Variants in CADM2 observed in about 807,000 individuals in gnomAD.
The protein encoded by CADM2 is immunoglobulin superfamily member 4D.
In CADM2, 12 loss-of-function variants were observed where a neutral mutation model predicts 49.8. The observed-to-expected ratio is 0.24, with a 90% CI of 0.15 to 0.39. The LOEUF (loss-of-function observed/expected upper bound fraction) is 0.39, where lower values mean the gene tolerates loss of function less well. Ranked by LOEUF, CADM2 falls within the 10% of genes least tolerant of loss-of-function variation. The probability of loss-of-function intolerance (pLI) is 1.00; values close to 1 mark genes in which losing one functional copy is unlikely to be tolerated. For missense variants in CADM2, 378 were observed against 492.3 expected, an observed-to-expected ratio of 0.77 and a Z score of 2.20; for synonymous variants, 214 against 175.4, an observed-to-expected ratio of 1.22 and a Z score of -1.74.
At chr3:85,329,992 G>A (rs2044872812) in intron 1 of CADM2, among the ~76,000 whole-genome samples, 1 of 152,100 alleles carries the variant, frequency 6.6e-6, no homozygotes, top group Non-Finnish European at 1.5e-5. Context: ...TGCTGTTTAG[G>A]AGATAACTCA....
At chr3:85,183,950 T>G (rs1233764007) in intron 1 of CADM2, among the ~76,000 whole-genome samples, 1 of 152,028 alleles carries the variant, frequency 6.6e-6, no homozygotes, top group Non-Finnish European at 1.5e-5. Context: ...AAATAAGAGA[T>G]AAGTTAAAAT....
At chr3:85,708,980 A>G (rs763363564) in intron 1 of CADM2, among the ~76,000 whole-genome samples, 1 of 151,986 alleles carries the variant, frequency 6.6e-6, no homozygotes, top group Non-Finnish European at 1.5e-5. Flanking sequence ...TGCCTGATAC[A>G]ATGATTAATT....
intron 1 of CADM2, among the ~76,000 whole-genome samples, chr3:85,331,338 AT>A (rs113807149): frequency 0.11 from 16,729 of 151,220 alleles, 1,134 homozygotes; most frequent in African/African-American, 0.19. Flanking sequence ...CAATTTATTC[AT>A]TTTTTTTAGC....
chr3:85,653,347 A>G (rs902013740), intron 1 of CADM2, among the ~76,000 whole-genome samples: 1 of 147,442 alleles, frequency 6.8e-6, no homozygotes, highest in Non-Finnish European at 1.5e-5. Context: ...AGCATCCTAG[A>G]TAAAGGCAGC....
intron 1 of CADM2, among the ~76,000 whole-genome samples, chr3:85,272,621 G>C (rs2043267458): frequency 6.6e-6 from 1 of 151,216 alleles, no homozygotes; most frequent in South Asian, 2.1e-4. Flanking sequence ...TCTCTTCAGT[G>C]CCTCAGCACT....
At chr3:85,778,225 T>C (rs1033929189) in intron 2 of CADM2, among the ~76,000 whole-genome samples, 4 of 152,318 alleles carry the variant, frequency 2.6e-5, no homozygotes, top group Admixed American at 2.0e-4. Flanking sequence ...AATGATGCCA[T>C]TGTGTTTCCT....
chr3:85,223,757 C>T (rs898526358), intron 1 of CADM2, among the ~76,000 whole-genome samples: 3 of 152,020 alleles, frequency 2.0e-5, no homozygotes, highest in African/African-American at 4.8e-5. Flanking sequence ...TCCCTGTGCC[C>T]CACTCCCCCA....
intron 1 of CADM2, among the ~76,000 whole-genome samples, chr3:85,153,593 C>T (rs545506367): frequency 9.7e-4 from 147 of 152,280 alleles, no homozygotes; most frequent in Non-Finnish European, 1.6e-3. Flanking sequence ...CACCACAGCT[C>T]AAGGAGGCCT....
chr3:85,275,022 A>C (rs1360527425), intron 1 of CADM2, among the ~76,000 whole-genome samples: 1 of 151,498 alleles, frequency 6.6e-6, no homozygotes, highest in African/African-American at 2.4e-5. Flanking sequence ...TAGCCATAGA[A>C]TCTAATGAGA....
At chr3:85,961,702 A>G (rs1056908826) in intron 8 of CADM2, 55 bp downstream of exon 8, 17 of 1,319,024 alleles carry the variant, frequency 1.3e-5, no homozygotes, top group South Asian at 2.0e-5. Flanking sequence ...TTGAAAAACT[A>G]TTTAAATATA....
intron 8 of CADM2, among the ~76,000 whole-genome samples, chr3:86,000,373 T>C (rs1730026967): frequency 6.6e-6 from 1 of 152,326 alleles, no homozygotes; most frequent in South Asian, 2.1e-4. Flanking sequence ...GATTTTCTCA[T>C]TCATTCCTTG....
At position 86,068,221 on chromosome 3, in the gene CADM2, G is replaced by A. The variant is rs768018082; in HGVS notation, c.*1438G>A. ...TCCAAAGTGAAAGTCTCTTTCTCTG[G>A]ATTATTTTAAAATTTTGGCGTGTTT... is the stretch of plus-strand genomic sequence containing the variant. On this transcript the variant is annotated 3_prime_UTR_variant, in exon 10 of 10. Transcript: ENST00000383699. 6.6e-6 allele frequency: 1 copy of A among 152,238 alleles called. No individual in the cohort carries two copies. Among genetic ancestry groups the A allele is most frequent in the Non-Finnish European group, 1.5e-5 (1 of 67,824 alleles). 9.4% of individuals were successfully genotyped at this position (152,238 alleles called of 1,614,324 possible).
intron 1 of CADM2, among the ~76,000 whole-genome samples, chr3:85,058,843 ATATTT>A (rs2036192179): frequency 6.6e-6 from 1 of 152,154 alleles, no homozygotes; most frequent in Non-Finnish European, 1.5e-5. Flanking sequence ...TTGTGAAGTG[ATATTT>A]TATAGAAATA....
At chr3:85,838,482 G>A (rs902462773) in intron 3 of CADM2, among the ~76,000 whole-genome samples, 1 of 151,690 alleles carries the variant, frequency 6.6e-6, no homozygotes, top group Non-Finnish European at 1.5e-5. Context: ...CTGCTTATTA[G>A]CACATATTAT....
intron 1 of CADM2, among the ~76,000 whole-genome samples, chr3:85,465,214 G>A (rs1022674197): frequency 6.6e-6 from 1 of 152,104 alleles, no homozygotes; most frequent in African/African-American, 2.4e-5. Flanking sequence ...TTTTGTGTGC[G>A]TATAATCATA....
intron 1 of CADM2, among the ~76,000 whole-genome samples, chr3:85,117,888 A>G (rs1333386105): frequency 6.6e-6 from 1 of 152,136 alleles, no homozygotes; most frequent in African/African-American, 2.4e-5. Flanking sequence ...TTCTGAAATG[A>G]TAGTTGATTC....
At chr3:85,917,939 T>C (rs917789202) in intron 6 of CADM2, among the ~76,000 whole-genome samples, 1 of 151,340 alleles carries the variant, frequency 6.6e-6, no homozygotes, top group Non-Finnish European at 1.5e-5. Context: ...AATTGTGAAT[T>C]GGAGTTCACT....
intron 1 of CADM2, among the ~76,000 whole-genome samples, chr3:85,641,377 TCA>T (rs1392805454): frequency 6.6e-6 from 1 of 152,198 alleles, no homozygotes; most frequent in African/African-American, 2.4e-5. Flanking sequence ...GAGAAAAATC[TCA>T]CATGTTGGCT....
chr3:85,970,837 C>T (rs1027176528), intron 8 of CADM2, among the ~76,000 whole-genome samples: 16 of 151,198 alleles, frequency 1.1e-4, no homozygotes, highest in Admixed American at 3.3e-4. Context: ...AAATGAGAAG[C>T]GGTATCAAGA....
Sources: allele counts gnomAD v4.1 joint callset (sites outside exome capture counted in the v4.1 genomes callset), GRCh38; gene constraint gnomAD v4.1.1; transcripts MANE v1.5; gene names NCBI Gene and HGNC (gene_info 2026-07-23, HGNC 2026-07-21).